The following RBM25 variants were observed in gnomAD, a reference collection of about 807,000 sequenced individuals.
The protein encoded by RBM25 is RNA binding motif protein 25, also known as RNA-binding protein 25.
In RBM25, 19 loss-of-function variants were observed where a neutral mutation model predicts 120.7. The ratio of observed to expected loss-of-function variants is 0.16; its 90% CI spans 0.11 to 0.23. The LOEUF is 0.23. RBM25 is among the 10% of genes least tolerant of loss of function. RBM25 has a pLI of 1.00. For missense variants in RBM25, 605 were observed against 1,041.5 expected (o/e 0.58, Z 5.77); for synonymous variants, 390 against 326.7 (o/e 1.19, Z -2.09).
intron 1 of RBM25, among the ~76,000 whole-genome samples, chr14:73,067,155 C>T (rs541986865): frequency 2.0e-5 from 3 of 151,050 alleles, no homozygotes; most frequent in African/African-American, 7.3e-5. Context: ...CTGCAACCTC[C>T]GCCTCCCAGG....
intron 18 of RBM25, among the ~76,000 whole-genome samples, chr14:73,116,294 A>C (rs1469793113): frequency 6.6e-6 from 1 of 152,206 alleles, no homozygotes; most frequent in East Asian, 1.9e-4. Context: ...AAGATGAGTA[A>C]GGAAGGAAAA....
chr14:73,058,832 G>C (rs981703619), intron 1 of RBM25, 127 bp downstream of exon 1: 3 of 151,790 alleles, frequency 2.0e-5, no homozygotes, highest in Admixed American at 2.0e-4. Context: ...GCGCGGAGGC[G>C]GGGGTGGGGG....
intron 6 of RBM25, among the ~76,000 whole-genome samples, chr14:73,094,835 G>C (rs1049250648): frequency 1.5e-4 from 19 of 122,894 alleles, no homozygotes; most frequent in African/African-American, 3.7e-4. Context: ...GTGTGTGTGT[G>C]TGTGTGTCTG....
intron 1 of RBM25, among the ~76,000 whole-genome samples, chr14:73,065,415 A>C (rs1046510675): frequency 4.6e-4 from 69 of 148,484 alleles, no homozygotes; most frequent in Admixed American, 4.5e-3. Flanking sequence ...GGGGTGAGCC[A>C]CTGTGCCCAG....
Position 73,114,266 on chromosome 14 carries a change from C to A in RBM25, c.2392-20C>A, listed in dbSNP as rs1341148093. On this transcript the variant is annotated intron_variant, in intron 17 of 18. Coordinates refer to ENST00000261973, the MANE Select transcript of RBM25 (RefSeq NM_021239.3). Reference sequence around the variant, plus strand: ...AATTTTTTATTTATTTTTAATGTGACAATTATTTTTCTCTTTTAGGTTATG... The same window carrying A: ...AATTTTTTATTTATTTTTAATGTGAAAATTATTTTTCTCTTTTAGGTTATG... 3.4e-6 allele frequency: 5 copies of A among 1,485,748 alleles called. No individual in the cohort carries two copies. Among genetic ancestry groups the A allele is most frequent in the Non-Finnish European group, 4.5e-6 (5 of 1,106,500 alleles). The allele number at this position is 1,485,748 out of a possible 1,614,324, so 92.0% of individuals were successfully genotyped here.
At chr14:73,070,926 A>T (rs1395985114) in intron 1 of RBM25, among the ~76,000 whole-genome samples, 1 of 146,428 alleles carries the variant, frequency 6.8e-6, no homozygotes, top group Non-Finnish European at 1.5e-5. Flanking sequence ...CAGCCTGGCG[A>T]TAGAGCGAGA....
chr14:73,078,257 C>T (rs888506486), intron 4 of RBM25, among the ~76,000 whole-genome samples: 2 of 151,936 alleles, frequency 1.3e-5, no homozygotes, highest in South Asian at 2.1e-4. Context: ...GAGCTGAGGT[C>T]GCGCTACTGC....
At position 73,092,633 on chromosome 14, in the gene RBM25, T is replaced by TA. The variant is rs539800872; in HGVS notation, c.544-4281dup. Among the ~76,000 whole-genome samples, 4 of 152,082 alleles carry TA rather than the reference T, an allele frequency of 2.6e-5. No individual in the cohort carries two copies. In the South Asian group the frequency reaches 8.3e-4, roughly 32 times the overall value. On this transcript the variant is annotated intron_variant, in intron 6 of 18. Transcript: ENST00000261973. ...ACATGTTCACCACGTGCAGGTTTGT[T>TA]ACGTATATATACATGTGCCATGTTG... is the stretch of plus-strand genomic sequence containing the variant.
intron 4 of RBM25, among the ~76,000 whole-genome samples, chr14:73,078,039 A>G (rs1261108926): frequency 2.6e-5 from 4 of 152,188 alleles, no homozygotes; most frequent in Non-Finnish European, 4.4e-5. Context: ...GCAGTGGCTC[A>G]TGCCTGTAAT....
chr14:73,111,401 T>C (rs1896307498), intron 15 of RBM25, 127 bp from the exon 16 acceptor site: 1 of 1,148,282 alleles, frequency 8.7e-7, no homozygotes, highest in African/African-American at 1.6e-5. Flanking sequence ...TGAGTTATTT[T>C]TTACAGTTGG....
At position 73,117,210 on chromosome 14, in the gene RBM25, C is replaced by CTTTTTTTTTTTTTTTTTT. The variant is rs71112704; in HGVS notation, c.2440-2486_2440-2469dup. Among the ~76,000 whole-genome samples the CTTTTTTTTTTTTTTTTTT allele has an allele frequency of 6.3e-4, 31 of 49,432 alleles. 3 individuals carry two copies. Among genetic ancestry groups the CTTTTTTTTTTTTTTTTTT allele is most frequent in the Admixed American group, 1.0e-3 (3 of 2,892 alleles). The allele number at this position is 49,432 out of a possible 152,430, so 32.4% of individuals were successfully genotyped here. ...TTTCTTTTAATTTCTTTCTTCTTTT[C>CTTTTTTTTTTTTTTTTTT]TTTTTTTTTTTTTTTTTTTTTTTTT... On this transcript the variant is annotated intron_variant, in intron 18 of 18. Transcript: ENST00000261973.
At chr14:73,060,070 T>C (rs1566577776) in intron 1 of RBM25, among the ~76,000 whole-genome samples, 1 of 152,214 alleles carries the variant, frequency 6.6e-6, no homozygotes, top group Non-Finnish European at 1.5e-5. Context: ...GACGGAGTCT[T>C]GCTGTGTTGC....
intron 13 of RBM25, among the ~76,000 whole-genome samples, chr14:73,108,755 C>T (rs3025769): frequency 0.024 from 3,588 of 152,194 alleles, 139 homozygotes; most frequent in African/African-American, 0.077. Flanking sequence ...TAGCTTAAAT[C>T]TCAAGGGTGC....
chr14:73,059,727 G>T (rs1012683700), intron 1 of RBM25, among the ~76,000 whole-genome samples: 3 of 152,144 alleles, frequency 2.0e-5, no homozygotes, highest in Non-Finnish European at 2.9e-5. Flanking sequence ...ACTTGAAAGG[G>T]ATTAAGTTGG....
intron 1 of RBM25, among the ~76,000 whole-genome samples, chr14:73,067,838 A>T (rs1386407781): frequency 1.3e-5 from 2 of 151,028 alleles, no homozygotes; most frequent in African/African-American, 4.9e-5. Context: ...TGACCTCGTG[A>T]TCCACCCGCT....
chr14:73,111,325 A>C, intron 15 of RBM25, 170 bp downstream of exon 15: 1 of 823,158 alleles, frequency 1.2e-6, no homozygotes, highest in Non-Finnish European at 1.8e-6. Context: ...TAGTGCTCCT[A>C]TATCTGCAGC....
At chr14:73,081,731 C>T (rs571731819) in intron 4 of RBM25, among the ~76,000 whole-genome samples, 3 of 152,212 alleles carry the variant, frequency 2.0e-5, no homozygotes, top group Non-Finnish European at 2.9e-5. Context: ...ATATAGAATT[C>T]GGTGATGAAG....
chr14:73,077,601 G>A (rs999010707), intron 4 of RBM25, 65 bp downstream of exon 4: 7 of 1,394,094 alleles, frequency 5.0e-6, no homozygotes, highest in African/African-American at 2.9e-5. Flanking sequence ...AACTTAAGCA[G>A]AAAGAAGACT....
chr14:73,117,621 A>G (rs952148040), intron 18 of RBM25, among the ~76,000 whole-genome samples: 18 of 152,164 alleles, frequency 1.2e-4, no homozygotes, highest in African/African-American at 4.3e-4. Context: ...CCCACTTAGT[A>G]CCTACTGCTA....
Sources: gnomAD v4.1 joint callset for allele counts (sites outside exome capture counted in the v4.1 genomes callset) on GRCh38, gnomAD v4.1.1 for gene constraint, MANE v1.5 for transcripts, NCBI Gene and HGNC (gene_info 2026-07-23, HGNC 2026-07-21) for gene names.